The following LYRM4 variants were observed in gnomAD, a reference collection of about 807,000 sequenced individuals.
LYRM4 encodes the protein LYR motif containing 4.
LYRM4 carries 9 observed loss-of-function variants against 11.7 expected under a neutral mutation model. The ratio of observed to expected loss-of-function variants is 0.77; its 90% confidence interval spans 0.46 to 1.34. The LOEUF is 1.34. LYRM4 is among the 40% of genes most tolerant of loss of function. The pLI, the probability that LYRM4 is intolerant of heterozygous loss-of-function variation, is 0.00. For synonymous variants in LYRM4, 42 were observed against 40.4 expected (o/e 1.04, Z -0.15); for missense variants, 133 against 112.5 (o/e 1.18, Z -0.82).
chr6:5,156,038 A>G (rs1471755275), intron 2 of LYRM4, among the ~76,000 whole-genome samples: 1 of 152,234 alleles, frequency 6.6e-6, no homozygotes, highest in Non-Finnish European at 1.5e-5. Flanking sequence ...GTTATTCAAC[A>G]GTCATTTTTT....
At position 5,142,873 on chromosome 6, in the gene LYRM4, C is replaced by T. The variant is rs138064841; in HGVS notation, c.208-33382G>A. Among the ~76,000 whole-genome samples the T allele has an allele frequency of 6.9e-3, 1,056 of 152,334 alleles. 11 individuals carry two copies. Among genetic ancestry groups the T allele is most frequent in the African/African-American group, 0.023 (944 of 41,584 alleles). On this transcript the variant is annotated intron_variant, in intron 2 of 2. Transcript: ENST00000330636. The stretch of plus-strand genomic sequence containing the variant: ...GGAATGCCTTTCCCTAAGGAGAGCG[C>T]AGCCATCCCCAGCCATGGACCCTTG...
At chr6:5,154,488 A>G (rs1221090921) in intron 2 of LYRM4, among the ~76,000 whole-genome samples, 2 of 152,214 alleles carry the variant, frequency 1.3e-5, no homozygotes, top group East Asian at 3.9e-4. Context: ...TGGAAACATC[A>G]GAAGACAACC....
chr6:5,217,600 T>C, intron 1 of LYRM4, among the ~76,000 whole-genome samples: 1 of 152,274 alleles, frequency 6.6e-6, no homozygotes, highest in East Asian at 1.9e-4. Flanking sequence ...CAAAGCCTGT[T>C]ACATAGAAAG....
At chr6:5,054,132 A>G in the LYRM4 span, 2 of 985,746 alleles carry the variant, frequency 2.0e-6, no homozygotes, top group Admixed American at 6.1e-5. Context: ...TCACCTGGCC[A>G]TGACCAGAAT....
chr6:5,216,879 C>T (rs1022316169), intron 1 of LYRM4, 141 bp from the exon 2 acceptor site: 76 of 1,016,384 alleles, frequency 7.5e-5, no homozygotes, highest in Non-Finnish European at 5.6e-5. Flanking sequence ...TTGCTCGTGG[C>T]GCAGGCTGAT....
the LYRM4 span, chr6:5,085,404 G>A: frequency 2.9e-6 from 3 of 1,037,464 alleles, no homozygotes; most frequent in Non-Finnish European, 4.1e-6. Context: ...GCAGCCCTGC[G>A]CTCCTTCCAC....
rs761832871 is a variant in LYRM4 at position 5,147,371 on chromosome 6, G to A, written c.208-37880C>T. ...ATGTCATATTTTAACCTGGATTTTG[G>A]GTTAAATAATGGATAACGTACCTAA... On this transcript the variant is annotated intron_variant, in intron 2 of 2. Transcript: ENST00000330636. Among the ~76,000 whole-genome samples, 3 of 152,050 alleles carry A rather than the reference G, an allele frequency of 2.0e-5. No homozygotes were observed. In the South Asian group the frequency reaches 6.2e-4, roughly 32 times the overall value.
the LYRM4 span, among the ~76,000 whole-genome samples, chr6:5,045,993 C>T: frequency 4.6e-5 from 7 of 152,170 alleles, no homozygotes; most frequent in Non-Finnish European, 1.0e-4. Flanking sequence ...GGAACGTCTA[C>T]CTGCATGAGC....
chr6:5,058,590 T>A, the LYRM4 span, among the ~76,000 whole-genome samples: 1 of 152,116 alleles, frequency 6.6e-6, no homozygotes, highest in Non-Finnish European at 1.5e-5. Flanking sequence ...GCTTCAGGCA[T>A]CCCTCGGGGG....
At chr6:5,230,105 G>A (rs1021011638) in intron 1 of LYRM4, among the ~76,000 whole-genome samples, 1 of 152,206 alleles carries the variant, frequency 6.6e-6, no homozygotes, top group African/African-American at 2.4e-5. Flanking sequence ...AAGCAGCCGC[G>A]AGGTCTCTGG....
chr6:5,257,316 C>G (rs1764725103), intron 1 of LYRM4, among the ~76,000 whole-genome samples: 1 of 152,164 alleles, frequency 6.6e-6, no homozygotes, highest in South Asian at 2.1e-4. Context: ...CTGACCACAC[C>G]AAGCTGCTTC....
chr6:5,148,268 C>A (rs1757847708), intron 2 of LYRM4: 1 of 154,344 alleles, frequency 6.5e-6, no homozygotes, highest in Non-Finnish European at 1.5e-5. Flanking sequence ...CAGACTTGGT[C>A]CCCACCCTCA....
chr6:5,118,599 A>G (rs781320523), intron 2 of LYRM4, among the ~76,000 whole-genome samples: 7 of 152,126 alleles, frequency 4.6e-5, no homozygotes, highest in Non-Finnish European at 7.4e-5. Flanking sequence ...CCCTGGTGAG[A>G]TCCCAGCATG....
At chr6:5,174,559 A>T (rs1231110484) in intron 2 of LYRM4, among the ~76,000 whole-genome samples, 1 of 152,192 alleles carries the variant, frequency 6.6e-6, no homozygotes, top group African/African-American at 2.4e-5. Context: ...TCTCAGAGGA[A>T]GGAGGCTATT....
At chr6:5,054,654 A>G in the LYRM4 span, among the ~76,000 whole-genome samples, 1 of 152,180 alleles carries the variant, frequency 6.6e-6, no homozygotes, top group Admixed American at 6.5e-5. Flanking sequence ...AAAATACCTG[A>G]AAAACCACAT....
rs375051574 is a variant in LYRM4, at chr6:5,109,396, C to A, written c.*27G>T. On this transcript the variant is annotated 3_prime_UTR_variant, in exon 3 of 3. Transcript: ENST00000330636. ...GTGGATGCTGAAGGTGGTCCCTGGC[C>A]GCCACTGGTGGCTGGTCCCCGGCTT... is the stretch of plus-strand genomic sequence containing the variant. The A allele has an allele frequency of 1.9e-6, 3 of 1,613,612 alleles. No individual in the cohort carries two copies. The highest frequency in any genetic ancestry group is 2.2e-5 in the South Asian group (2 of 91,042).
chr6:5,136,092 T>C (rs1186095666), intron 2 of LYRM4: 1 of 168,544 alleles, frequency 5.9e-6, no homozygotes, highest in Admixed American at 6.5e-5. Flanking sequence ...CCTTCCTCTT[T>C]AGGGCTGAGT....
In LYRM4 at chr6:5,213,720, T is replaced by C. The variant is rs186612829; in HGVS notation, c.207+2898A>G. ...AAAAGACACCCTGATTTTGGTGGTA[T>C]AGACCCTGCCACTGAGATGTATGAT... is the stretch of plus-strand genomic sequence containing the variant. On this transcript the variant is annotated intron_variant, in intron 2 of 2. Coordinates refer to ENST00000330636, the MANE Select transcript of LYRM4 (RefSeq NM_020408.6). Among the ~76,000 whole-genome samples, 10 of 152,310 alleles carry C rather than the reference T, an allele frequency of 6.6e-5. No homozygotes were observed. In the East Asian group the frequency reaches 1.2e-3, roughly 18 times the overall value.
chr6:5,044,026 CTT>C, the LYRM4 span, among the ~76,000 whole-genome samples: 1 of 152,330 alleles, frequency 6.6e-6, no homozygotes, highest in African/African-American at 2.4e-5. Context: ...ACACCTTCCT[CTT>C]GGGAACTGTG....
Sources: allele counts gnomAD v4.1 joint callset (sites outside exome capture counted in the v4.1 genomes callset), GRCh38; gene constraint gnomAD v4.1.1; transcripts MANE v1.5; gene names NCBI Gene and HGNC (gene_info 2026-07-23, HGNC 2026-07-21).